Variants in PHTF2 observed in about 807,000 individuals in gnomAD.
The protein encoded by PHTF2 is putative homeodomain transcription factor 2.
PHTF2 carries 60 observed loss-of-function variants against 101.2 expected under a neutral mutation model. The ratio of observed to expected loss-of-function variants is 0.59; its 90% CI spans 0.48 to 0.73. The LOEUF is 0.73. Among genes scored for constraint, PHTF2 ranks in the 30% least tolerant of loss-of-function variants. PHTF2 has a pLI of 0.00. For missense variants in PHTF2, 747 were observed against 908.7 expected (o/e 0.82, Z 2.29); for synonymous variants, 311 against 307.3 (o/e 1.01, Z -0.13).
intron 1 of PHTF2, among the ~76,000 whole-genome samples, chr7:77,823,229 CT>C (rs983304219): frequency 1.6e-4 from 20 of 123,194 alleles, no homozygotes; most frequent in African/African-American, 5.3e-4. Context: ...AAATTACTCT[CT>C]TTTTTTTTGG....
intron 1 of PHTF2, among the ~76,000 whole-genome samples, chr7:77,829,785 G>A (rs917104585): frequency 3.3e-5 from 5 of 152,162 alleles, no homozygotes; most frequent in African/African-American, 1.2e-4. Flanking sequence ...TGTTAGACTA[G>A]ACTTTAACTT....
intron 2 of PHTF2, among the ~76,000 whole-genome samples, chr7:77,848,214 G>A (rs527251293): frequency 5.1e-4 from 78 of 152,242 alleles, no homozygotes; most frequent in Non-Finnish European, 9.1e-4. Context: ...CTATTTTGGG[G>A]TATATACCTA....
chr7:77,885,656 G>A (rs1298246722), intron 3 of PHTF2, among the ~76,000 whole-genome samples: 1 of 152,110 alleles, frequency 6.6e-6, no homozygotes, highest in Non-Finnish European at 1.5e-5. Flanking sequence ...TGTTGGCCAG[G>A]CTAGTCTGGA....
intron 3 of PHTF2, among the ~76,000 whole-genome samples, chr7:77,879,778 A>G (rs1799255334): frequency 6.6e-6 from 1 of 152,186 alleles, no homozygotes; most frequent in Non-Finnish European, 1.5e-5. Flanking sequence ...TGTATCTTAT[A>G]GGAAAAGCCA....
intron 3 of PHTF2, among the ~76,000 whole-genome samples, chr7:77,887,046 TAA>T (rs60779765): frequency 1.1e-3 from 149 of 139,844 alleles, no homozygotes; most frequent in South Asian, 1.4e-3. Context: ...ACCCTGTCTT[TAA>T]AAAAAAAAAA....
At chr7:77,811,442 T>C (rs967896077) in intron 1 of PHTF2, among the ~76,000 whole-genome samples, 10 of 152,258 alleles carry the variant, frequency 6.6e-5, no homozygotes, top group Admixed American at 5.9e-4. Context: ...ACTCTCAAAC[T>C]TACCCATTAA....
In PHTF2 at chr7:77,911,637, C is replaced by CATG. The variant is rs369093237; in HGVS notation, c.776+1229_776+1231dup. ...ATTGTGCTCTTAGGATAAAGTTTATCATGCATTACAGAACTAAGCAGTTAT... is the reference window on the plus strand; with the variant it reads ...ATTGTGCTCTTAGGATAAAGTTTATCATGATGCATTACAGAACTAAGCAGTTAT... On this transcript the variant is annotated intron_variant, in intron 9 of 19. Coordinates refer to ENST00000416283, the Ensembl canonical transcript of PHTF2. Among the ~76,000 whole-genome samples, 480 of 152,274 alleles carry CATG rather than the reference C, an allele frequency of 3.2e-3. 4 individuals are homozygous for CATG. The highest frequency in any genetic ancestry group is 0.01 in the African/African-American group (418 of 41,556).
At chr7:77,952,426 C>T (rs1806632393) in intron 18 of PHTF2, among the ~76,000 whole-genome samples, 1 of 152,098 alleles carries the variant, frequency 6.6e-6, no homozygotes, top group Non-Finnish European at 1.5e-5. Context: ...CTATGCACCA[C>T]ATAGTATTGA....
chr7:77,937,620 G>A (rs935725877), intron 12 of PHTF2, 90 bp from the exon 12 acceptor site: 2 of 408,070 alleles, frequency 4.9e-6, no homozygotes, highest in African/African-American at 4.2e-5. Context: ...AATTGTGTGT[G>A]TATATAGAGA....
chr7:77,925,029 G>A (rs887368457), intron 11 of PHTF2, among the ~76,000 whole-genome samples: 3 of 152,036 alleles, frequency 2.0e-5, no homozygotes, highest in Non-Finnish European at 4.4e-5. Context: ...TACCTACTCT[G>A]TCCTGCTTTG....
intron 3 of PHTF2, among the ~76,000 whole-genome samples, chr7:77,876,447 GT>G (rs1798950565): frequency 6.6e-6 from 1 of 152,134 alleles, no homozygotes. Flanking sequence ...GTTGATTAAT[GT>G]CTTAGATTAG....
At chr7:77,927,790 G>A (rs1355619121) in intron 11 of PHTF2, among the ~76,000 whole-genome samples, 1 of 152,148 alleles carries the variant, frequency 6.6e-6, no homozygotes, top group Non-Finnish European at 1.5e-5. Flanking sequence ...GGCCTAGGGT[G>A]GAACATAATC....
chr7:77,953,658 A>G (rs1806741031), intron 18 of PHTF2, 111 bp from the exon 18 acceptor site: 5 of 821,392 alleles, frequency 6.1e-6, no homozygotes, highest in East Asian at 2.7e-5. Flanking sequence ...AAAAGCATCC[A>G]TAATTGGTAA....
intron 7 of PHTF2, chr7:77,906,628 CTA>C (rs891858871): frequency 2.0e-5 from 3 of 152,236 alleles, no homozygotes; most frequent in South Asian, 2.1e-4. Context: ...TATATAAAAC[CTA>C]AAGTTTTAAA....
At chr7:77,807,509 T>A (rs1233636417) in intron 1 of PHTF2, among the ~76,000 whole-genome samples, 3 of 152,210 alleles carry the variant, frequency 2.0e-5, no homozygotes, top group Non-Finnish European at 2.9e-5. Context: ...TTTGGGCACA[T>A]GCCCATTCAA....
intron 1 of PHTF2, among the ~76,000 whole-genome samples, chr7:77,804,506 A>G (rs1792819992): frequency 6.6e-6 from 1 of 152,078 alleles, no homozygotes; most frequent in African/African-American, 2.4e-5. Context: ...TTGTATTTTT[A>G]GTAGAGATGA....
chr7:77,858,997 G>A (rs930082377), intron 3 of PHTF2, among the ~76,000 whole-genome samples: 3 of 152,138 alleles, frequency 2.0e-5, no homozygotes, highest in Non-Finnish European at 4.4e-5. Flanking sequence ...TCTGGAGAGA[G>A]ACTGTGAGGG....
At chr7:77,849,370 C>T (rs1258102765) in intron 2 of PHTF2, among the ~76,000 whole-genome samples, 2 of 151,952 alleles carry the variant, frequency 1.3e-5, no homozygotes, top group East Asian at 3.9e-4. Context: ...TTGAACTGAC[C>T]TCAGGTGATC....
At chr7:77,869,080 T>A (rs1186594867) in intron 3 of PHTF2, among the ~76,000 whole-genome samples, 1 of 152,174 alleles carries the variant, frequency 6.6e-6, no homozygotes, top group Non-Finnish European at 1.5e-5. Context: ...TGTCATTGGT[T>A]CTCTTTTGAC....
Sources: gnomAD v4.1 joint callset for allele counts (sites outside exome capture counted in the v4.1 genomes callset) on GRCh38, gnomAD v4.1.1 for gene constraint, MANE v1.5 for transcripts, NCBI Gene and HGNC (gene_info 2026-07-23, HGNC 2026-07-21) for gene names.